The following TNFRSF21 variants were observed in gnomAD, a reference collection of about 807,000 sequenced individuals.
TNFRSF21 encodes the protein TNF receptor superfamily member 21.
A neutral mutation model predicts 45.6 loss-of-function variants in TNFRSF21; 19 were observed. The observed-to-expected ratio is 0.42, with a 90% CI of 0.29 to 0.61. TNFRSF21 has a LOEUF of 0.61. TNFRSF21 is among the 20% of genes least tolerant of loss of function. TNFRSF21 has a pLI of 0.23. For synonymous variants in TNFRSF21, 314 were observed against 335.5 expected, an observed-to-expected ratio of 0.94 and a Z score of 0.70; for missense variants, 737 against 851.5, an observed-to-expected ratio of 0.87 and a Z score of 1.67.
chr6:47,238,261 G>GAA (rs1764689595), intron 4 of TNFRSF21, among the ~76,000 whole-genome samples: 1 of 152,198 alleles, frequency 6.6e-6, no homozygotes, highest in African/African-American at 2.4e-5. Flanking sequence ...ATACTTTTGT[G>GAA]AAATGTTTGT....
chr6:47,253,168 A>G (rs1764926714), intron 4 of TNFRSF21, 88 bp downstream of exon 4: 1 of 1,478,418 alleles, frequency 6.8e-7, no homozygotes, highest in Non-Finnish European at 9.1e-7. Flanking sequence ...CGAATATGTT[A>G]TTTTTCTTTG....
intron 1 of TNFRSF21, among the ~76,000 whole-genome samples, chr6:47,300,925 G>T (rs1435503747): frequency 1.3e-5 from 2 of 152,132 alleles, no homozygotes; most frequent in Admixed American, 1.3e-4. Context: ...ATATATCTCT[G>T]TAAGATAACA....
chr6:47,280,213 T>C (rs1007805152), intron 3 of TNFRSF21, among the ~76,000 whole-genome samples: 2 of 152,218 alleles, frequency 1.3e-5, no homozygotes, highest in African/African-American at 4.8e-5. Context: ...AGACCTCTGA[T>C]AGAAAACAAC....
intron 3 of TNFRSF21, among the ~76,000 whole-genome samples, chr6:47,273,393 A>C (rs1762454632): frequency 6.6e-6 from 1 of 152,240 alleles, no homozygotes; most frequent in Admixed American, 6.5e-5. Context: ...CCATCACATA[A>C]ACAGAACCAA....
At chr6:47,256,942 C>G (rs1473127461) in intron 3 of TNFRSF21, among the ~76,000 whole-genome samples, 1 of 152,202 alleles carries the variant, frequency 6.6e-6, no homozygotes, top group Non-Finnish European at 1.5e-5. Context: ...AAACCTCTAA[C>G]TGTCATGTCC....
intron 3 of TNFRSF21, among the ~76,000 whole-genome samples, chr6:47,257,711 T>C (rs1473192302): frequency 1.3e-5 from 2 of 152,128 alleles, no homozygotes. Flanking sequence ...AGTGGAGAAA[T>C]GGGTTTTCTT....
chr6:47,284,470 A>T, intron 2 of TNFRSF21, 38 bp from the exon 3 acceptor site: 1 of 1,500,944 alleles, frequency 6.7e-7, no homozygotes, highest in Non-Finnish European at 8.9e-7. Context: ...GAGCTTTTCC[A>T]TATTTGGGGA....
intron 3 of TNFRSF21, among the ~76,000 whole-genome samples, chr6:47,264,256 G>A (rs904999822): frequency 3.3e-5 from 5 of 152,164 alleles, no homozygotes; most frequent in Non-Finnish European, 7.3e-5. Context: ...GGCCGGGTGC[G>A]GTGGCTCACA....
chr6:47,284,420 G>C lies in TNFRSF21; in HGVS notation c.761C>G (p.Thr254Arg). 6.6e-7 allele frequency: 1 copy of C among 1,517,868 alleles called. No homozygotes were observed. Among genetic ancestry groups the C allele is most frequent in the African/African-American group, 1.4e-5 (1 of 71,794 alleles). 94.0% of individuals were successfully genotyped at this position (1,517,868 alleles called of 1,614,324 possible). ...STYVPKGMNSTESNSSASVRP... is the reference protein window; with the variant it reads ...STYVPKGMNSRESNSSASVRP... ...AACAGAGGCAGAAGAGTTGGATTCTGTTGAGTTCATGCCTAGAAAAAAGAG... is the reference window on the plus strand; with the variant it reads ...AACAGAGGCAGAAGAGTTGGATTCTCTTGAGTTCATGCCTAGAAAAAAGAG... Residue 254 changes from threonine to arginine, a missense_variant, in exon 3 of 6, where the codon ACA (threonine) becomes AGA (arginine). Transcript: ENST00000296861.
intron 4 of TNFRSF21, 133 bp from the exon 5 acceptor site, chr6:47,235,031 A>G (rs1764646855): frequency 4.1e-6 from 2 of 492,542 alleles, no homozygotes; most frequent in Admixed American, 8.4e-5. Flanking sequence ...GTTGACCTTA[A>G]CTTATTTATA....
chr6:47,275,904 A>G (rs1337928656), intron 3 of TNFRSF21, among the ~76,000 whole-genome samples: 2 of 152,096 alleles, frequency 1.3e-5, no homozygotes, highest in Non-Finnish European at 1.5e-5. Flanking sequence ...TCTCCACCCT[A>G]CAGCACATTG....
chr6:47,237,694 T>C (rs1764679961), intron 4 of TNFRSF21, among the ~76,000 whole-genome samples: 1 of 152,198 alleles, frequency 6.6e-6, no homozygotes, highest in Non-Finnish European at 1.5e-5. Context: ...TAAAGATATA[T>C]TAGGCTGGGC....
intron 4 of TNFRSF21, among the ~76,000 whole-genome samples, chr6:47,236,980 C>T (rs1160047099): frequency 1.4e-5 from 2 of 146,612 alleles, no homozygotes; most frequent in Non-Finnish European, 3.1e-5. Context: ...GTTTAATTTC[C>T]CCCCCCGATT....
intron 3 of TNFRSF21, among the ~76,000 whole-genome samples, chr6:47,253,968 A>G (rs896857250): frequency 6.6e-6 from 1 of 152,204 alleles, no homozygotes; most frequent in African/African-American, 2.4e-5. Flanking sequence ...TTCACAATGT[A>G]TGGATAGAAG....
At position 47,232,634 on chromosome 6, in the gene TNFRSF21, CACACACACACACACACACACACACAA is replaced by C; in HGVS notation, c.*105_*130del. ...CCATATTCTCTGTTAAACACACACA[CACACACACACACACACACACACACAA>C]ACACACACACACACCCCAAACAACA... On this transcript the variant is annotated 3_prime_UTR_variant, in exon 6 of 6. Coordinates refer to ENST00000296861, the MANE Select transcript of TNFRSF21 (RefSeq NM_014452.5). 1.4e-6 allele frequency: 1 copy of C among 702,172 alleles called. No homozygotes were observed. The highest frequency in any genetic ancestry group is 2.4e-6 in the Non-Finnish European group (1 of 418,622). 43.5% of individuals were successfully genotyped at this position (702,172 alleles called of 1,614,324 possible).
chr6:47,280,524 G>A (rs1218289590), intron 3 of TNFRSF21, among the ~76,000 whole-genome samples: 2 of 152,168 alleles, frequency 1.3e-5, no homozygotes, highest in Admixed American at 6.5e-5. Context: ...AAAATCTGAG[G>A]AACAAGCCTA....
chr6:47,287,124 A>G (rs1762661129), intron 1 of TNFRSF21, among the ~76,000 whole-genome samples: 1 of 151,964 alleles, frequency 6.6e-6, no homozygotes, highest in African/African-American at 2.4e-5. Context: ...CCTGGCTGAC[A>G]TGGTAAAACC....
chr6:47,294,288 G>A (rs952440686), intron 1 of TNFRSF21, among the ~76,000 whole-genome samples: 1 of 151,966 alleles, frequency 6.6e-6, no homozygotes, highest in African/African-American at 2.4e-5. Context: ...GGACTACAGG[G>A]GCACGCCACC....
In TNFRSF21 at chr6:47,286,039, G is replaced by A. The variant is rs140637027; in HGVS notation, c.653C>T (p.Ser218Phe). Reference protein sequence around the residue: ...DNVCGTLPSFSSSTSPSPGTA... With the variant: ...DNVCGTLPSFFSSTSPSPGTA... ...GCCAGGGGAAGGTGAGGTGGAGCTG[G>A]AGAAGGACGGGAGTGTGCCACAGAC... The change falls in exon 2 of 6, where the codon TCC (serine) becomes TTC (phenylalanine). Residue 218 changes from serine to phenylalanine, a missense_variant. Ser to Phe is a radical substitution (Grantham distance 155, BLOSUM62 -2). Transcript: ENST00000296861. 5.5e-5 allele frequency: 88 copies of A among 1,614,102 alleles called. No individual in the cohort carries two copies. Among genetic ancestry groups the A allele is most frequent in the Non-Finnish European group, 7.2e-5 (85 of 1,180,048 alleles).
Sources: gnomAD v4.1 joint callset for allele counts (sites outside exome capture counted in the v4.1 genomes callset) on GRCh38, gnomAD v4.1.1 for gene constraint, MANE v1.5 for transcripts, NCBI Gene and HGNC (gene_info 2026-07-23, HGNC 2026-07-21) for gene names.